CIBAR2: variants seen among roughly 807,000 people sequenced by gnomAD.
CIBAR2 encodes CBY1 interacting BAR domain containing 2.
A neutral mutation model predicts 36.2 loss-of-function variants in CIBAR2; 38 were observed. The ratio of observed to expected loss-of-function variants is 1.05; its 90% CI spans 0.81 to 1.38. CIBAR2 has a LOEUF of 1.38. Ranked by LOEUF, CIBAR2 falls within the 40% of genes most tolerant of loss-of-function variation. The pLI, the probability that CIBAR2 is intolerant of heterozygous loss-of-function variation, is 0.00. For missense variants in CIBAR2, 481 were observed against 383.4 expected (o/e 1.25, Z -2.13); for synonymous variants, 182 against 149.5 (o/e 1.22, Z -1.58).
At chr16:85,112,260 C>G in intron 1 of CIBAR2, 73 bp downstream of exon 1, 1 of 1,315,056 alleles carries the variant, frequency 7.6e-7, no homozygotes, top group Non-Finnish European at 1.1e-6. Context: ...CTGCCCTCAT[C>G]TTTGTTGGTG....
chr16:85,107,789 A>C, intron 4 of CIBAR2, 57 bp downstream of exon 4: 1 of 1,576,270 alleles, frequency 6.3e-7, no homozygotes, highest in Non-Finnish European at 8.7e-7. Context: ...AGAAGACATC[A>C]GTGTGAGTGG....
At chr16:85,101,045 CA>C (rs56107645) in intron 7 of CIBAR2, among the ~76,000 whole-genome samples, 175 of 130,180 alleles carry the variant, frequency 1.3e-3, no homozygotes, top group South Asian at 1.7e-3. Context: ...GACTCCGTCT[CA>C]AAAAAAAAAA....
chr16:85,098,906 C>T lies in CIBAR2; in HGVS notation c.*279G>A, dbSNP rs530947842. ...GGAGACTTTCCCAAGGTCACACCGC[C>T]GGGAGCAGTGGGCTCGGACCAAGAA... On this transcript the variant is annotated 3_prime_UTR_variant, in exon 9 of 9. Transcript: ENST00000539556. 178 of 291,132 alleles carry T rather than the reference C, an allele frequency of 6.1e-4. No homozygotes were observed. The highest frequency in any genetic ancestry group is 7.5e-4 in the Admixed American group (15 of 19,962). 18.0% of individuals were successfully genotyped at this position (291,132 alleles called of 1,614,324 possible).
Position 85,110,333 on chromosome 16 carries a change from C to G in CIBAR2, c.148G>C (p.Val50Leu). 3 of 1,613,056 alleles carry G rather than the reference C, an allele frequency of 1.9e-6. No individual in the cohort carries two copies. Among genetic ancestry groups the G allele is most frequent in the Non-Finnish European group, 2.5e-6 (3 of 1,179,492 alleles). ...ARLRDKADQL[V>L]KQLIDFANSE... ...TTGGCAAAGTCGATGAGCTGCTTGA[C>G]CAGCTGGTCCGCCTTGTCCCGCAGC... The change falls in exon 2 of 9, where the codon GTC (valine) becomes CTC (leucine). Residue 50 changes from valine to leucine, a missense_variant. Coordinates refer to ENST00000539556, the MANE Select transcript of CIBAR2 (RefSeq NM_198491.3).
chr16:85,100,287 G>A, intron 7 of CIBAR2, 47 bp from the exon 8 acceptor site: 1 of 1,326,400 alleles, frequency 7.5e-7, no homozygotes, highest in Non-Finnish European at 1.1e-6. Context: ...GGAAAACACA[G>A]CGTGGGTTGG....
chr16:85,101,283 C>T (rs988241291), intron 7 of CIBAR2, among the ~76,000 whole-genome samples: 2 of 152,092 alleles, frequency 1.3e-5, no homozygotes, highest in African/African-American at 2.4e-5. Flanking sequence ...ATTGTTGATA[C>T]GCCCCACATT....
intron 6 of CIBAR2, among the ~76,000 whole-genome samples, chr16:85,103,743 G>C (rs2073973134): frequency 6.6e-6 from 1 of 152,222 alleles, no homozygotes; most frequent in South Asian, 2.1e-4. Context: ...CATTCCACAA[G>C]CATTTACTGA....
rs1409864728 is a variant in CIBAR2 at position 85,100,158 on chromosome 16, A to G, written c.734T>C (p.Leu245Pro). The change falls in exon 8 of 9, where the codon CTT (leucine) becomes CCT (proline). Residue 245 changes from leucine (L) to proline (P), a missense_variant. Physicochemically the swap from Leu to Pro is moderately conservative, Grantham distance 98. Coordinates refer to ENST00000539556, the MANE Select transcript of CIBAR2 (RefSeq NM_198491.3). ...GCTCACCTGGCTGGCGAGAGACTGA[A>G]GAACAGATGGAGGGGGGCTGGTGTT... Reference protein sequence around the residue: ...LANTSPPPSVLQSLASQGTLQ... With the variant: ...LANTSPPPSVPQSLASQGTLQ... 9 of 1,610,976 alleles carry G rather than the reference A, an allele frequency of 5.6e-6. No homozygotes were observed. Among genetic ancestry groups the G allele is most frequent in the Non-Finnish European group, 6.8e-6 (8 of 1,178,852 alleles).
rs763868133 is a variant in CIBAR2 at position 85,102,271 on chromosome 16, C to A, written c.594G>T (p.Glu198Asp). 6.2e-7 allele frequency: 1 copy of A among 1,613,764 alleles called. No homozygotes were observed. Among genetic ancestry groups the A allele is most frequent in the African/African-American group, 1.3e-5 (1 of 74,900 alleles). Residue 198 changes from glutamate (E) to aspartate (D), a missense_variant, in exon 7 of 9, where the codon GAG (glutamate) becomes GAT (aspartate). By Grantham distance (45) the Glu-to-Asp change is conservative (BLOSUM62 2). Coordinates refer to ENST00000539556, the MANE Select transcript of CIBAR2 (RefSeq NM_198491.3). ...IEMVFHAKAV[E>D]VYSSAFQTLE... ...GGGTCTGGAAGGCGCTAGAATACAC[C>A]TCCACCGCTTTGGCATGGAAAACCA...
intron 6 of CIBAR2, among the ~76,000 whole-genome samples, chr16:85,104,559 T>C (rs1478129941): frequency 6.6e-6 from 1 of 151,988 alleles, no homozygotes; most frequent in Non-Finnish European, 1.5e-5. Context: ...CTACTAAAAA[T>C]ACAAAAATTA....
Position 85,110,424 on chromosome 16 carries a change from G to A in CIBAR2, c.57C>T (p.Ala19=). 6.2e-7 allele frequency: 1 copy of A among 1,611,078 alleles called. No homozygotes were observed. The highest frequency in any genetic ancestry group is 8.5e-7 in the Non-Finnish European group (1 of 1,178,394). ...ACTGCCCAAAGTACTTCTCGGTGTT[G>A]GCCACGGTATTCTCCATCACCCTCA... ...SQVRVMENTV[A]NTEKYFGQFC... is the part of the protein sequence containing the mutation. Residue 19 remains alanine (A), a synonymous_variant, in exon 2 of 9, where the codon GCC becomes GCT. Transcript: ENST00000539556.
chr16:85,099,131 C>G lies in CIBAR2; in HGVS notation c.*54G>C. ...GAATCAGAAAATAAGAACAAAGCCTCCAGGCAGTCTGGGATTATTTTAAAC... is the reference window on the plus strand; with the variant it reads ...GAATCAGAAAATAAGAACAAAGCCTGCAGGCAGTCTGGGATTATTTTAAAC... On this transcript the variant is annotated 3_prime_UTR_variant, in exon 9 of 9. Coordinates refer to ENST00000539556, the MANE Select transcript of CIBAR2 (RefSeq NM_198491.3). 1 of 1,455,178 alleles carries G rather than the reference C, an allele frequency of 6.9e-7. No individual in the cohort carries two copies. The highest frequency in any genetic ancestry group is 9.1e-7 in the Non-Finnish European group (1 of 1,101,660). The allele number at this position is 1,455,178 out of a possible 1,614,324, so 90.1% of individuals were successfully genotyped here. A position where few individuals can be genotyped will look rare whatever the true frequency, so the allele number is the denominator to read the frequency against.
intron 5 of CIBAR2, 127 bp downstream of exon 5, chr16:85,107,540 C>T (rs776447264): frequency 2.3e-4 from 240 of 1,058,758 alleles, no homozygotes; most frequent in Non-Finnish European, 2.6e-4. Context: ...CTTTGGCTTT[C>T]CCAACCTGAG....
rs780780259 is a variant in CIBAR2 at position 85,108,074 on chromosome 16, AC to A, written c.280del (p.Val94SerfsTer4). ...TGCCCCGTAGAGCTTCAGGGGGTTG[AC>A]CACCTTGGTCTCCAGCCTCTCGACC... is the stretch of plus-strand genomic sequence containing the variant. ...AQVERLETKV[V>X]NPLKLYGAQI... On this transcript the variant is annotated frameshift_variant, in exon 3 of 9. Coordinates refer to ENST00000539556, the MANE Select transcript of CIBAR2 (RefSeq NM_198491.3). LOFTEE classifies it high-confidence loss of function. 5 of 1,612,604 alleles carry A rather than the reference AC, an allele frequency of 3.1e-6. No individual in the cohort carries two copies. In the African/African-American group the frequency reaches 5.3e-5, roughly 17 times the overall value.
At position 85,107,682 on chromosome 16, in the gene CIBAR2, G is replaced by C. The variant is rs376332281; in HGVS notation, c.427-10C>G. The C allele has an allele frequency of 7.4e-6, 12 of 1,613,822 alleles. No individual in the cohort carries two copies. In the African/African-American group the frequency reaches 1.5e-4, roughly 20 times the overall value. On this transcript the variant is annotated splice_polypyrimidine_tract_variant and intron_variant, in intron 4 of 8. Transcript: ENST00000539556. ...TGACACTCACCTGGGACTGAAAAAC[G>C]TGCTGTTAAGGAACCAAGTTAAGCC...
At chr16:85,104,647 C>A (rs548970437) in intron 6 of CIBAR2, among the ~76,000 whole-genome samples, 53 of 152,154 alleles carry the variant, frequency 3.5e-4, no homozygotes, top group African/African-American at 1.2e-3. Flanking sequence ...ACCCGGGAGG[C>A]GAAGGTTGCA....
rs149108081 is a variant in CIBAR2 at position 85,099,183 on chromosome 16, C to A, written c.*2G>T. On this transcript the variant is annotated 3_prime_UTR_variant, in exon 9 of 9. Coordinates refer to ENST00000539556, the MANE Select transcript of CIBAR2 (RefSeq NM_198491.3). The stretch of plus-strand genomic sequence containing the variant: ...GCTTGGGATTGCACTTACCCTACGT[C>A]GTTAGAGAGAATGTCCTGGAAGCAT... 4 of 1,566,164 alleles carry A rather than the reference C, an allele frequency of 2.6e-6. No homozygotes were observed. Among genetic ancestry groups the A allele is most frequent in the Non-Finnish European group, 3.5e-6 (4 of 1,157,946 alleles).
At chr16:85,108,955 C>T (rs1204248334) in intron 2 of CIBAR2, among the ~76,000 whole-genome samples, 3 of 152,084 alleles carry the variant, frequency 2.0e-5, no homozygotes, top group African/African-American at 7.2e-5. Flanking sequence ...GGCCAGGAGC[C>T]GTCTCTGTGA....
chr16:85,107,790 G>C, intron 4 of CIBAR2, 56 bp downstream of exon 4: 2 of 1,576,988 alleles, frequency 1.3e-6, no homozygotes, highest in Non-Finnish European at 1.7e-6. Context: ...GAAGACATCA[G>C]TGTGAGTGGA....
Sources: gnomAD v4.1 joint callset for allele counts (sites outside exome capture counted in the v4.1 genomes callset) on GRCh38, gnomAD v4.1.1 for gene constraint, MANE v1.5 for transcripts, NCBI Gene and HGNC (gene_info 2026-07-23, HGNC 2026-07-21) for gene names.